The following SORCS1 variants were observed in gnomAD, a reference collection of about 807,000 sequenced individuals.
The protein encoded by SORCS1 is VPS10 domain-containing receptor SorCS1.
A neutral mutation model predicts 146.1 loss-of-function variants in SORCS1; 60 were observed. The ratio of observed to expected loss-of-function variants is 0.41; its 90% CI spans 0.33 to 0.51. The LOEUF (loss-of-function observed/expected upper bound fraction) is 0.51, where lower values mean the gene tolerates loss of function less well. Ranked by LOEUF, SORCS1 falls within the 20% of genes least tolerant of loss-of-function variation. SORCS1 has a pLI of 0.21. For synonymous variants in SORCS1, 637 were observed against 584.0 expected (o/e 1.09, Z -1.31); for missense variants, 1,352 against 1,487.6 (o/e 0.91, Z 1.50).
At chr10:106,724,019 G>A (rs1471637733) in intron 6 of SORCS1, among the ~76,000 whole-genome samples, 2 of 151,920 alleles carry the variant, frequency 1.3e-5, no homozygotes, top group Admixed American at 6.6e-5. Context: ...AAGATCTACT[G>A]GCAGGTCTGA....
At chr10:107,018,495 CT>C (rs1957993744) in intron 1 of SORCS1, among the ~76,000 whole-genome samples, 1 of 152,062 alleles carries the variant, frequency 6.6e-6, no homozygotes, top group Admixed American at 6.6e-5. Context: ...CAACTCTCCA[CT>C]CTTTATTAAA....
chr10:107,149,403 G>A (rs769708639), intron 1 of SORCS1, among the ~76,000 whole-genome samples: 1 of 152,004 alleles, frequency 6.6e-6, no homozygotes, highest in Non-Finnish European at 1.5e-5. Context: ...TTAATCATAC[G>A]TGGTAACCAT....
chr10:106,607,416 G>A, intron 22 of SORCS1, 119 bp from the exon 23 acceptor site: 1 of 1,355,698 alleles, frequency 7.4e-7, no homozygotes, highest in South Asian at 1.4e-5. Flanking sequence ...CCTGAAAGCA[G>A]AGGCCTGGGC....
intron 1 of SORCS1, among the ~76,000 whole-genome samples, chr10:107,157,686 A>G (rs1166428978): frequency 6.6e-6 from 1 of 152,162 alleles, no homozygotes; most frequent in African/African-American, 2.4e-5. Flanking sequence ...ACATTCTAGG[A>G]TAAGCTCTGT....
chr10:106,723,951 TA>T (rs1855963165), intron 6 of SORCS1, among the ~76,000 whole-genome samples: 1 of 152,154 alleles, frequency 6.6e-6, no homozygotes, highest in Admixed American at 6.5e-5. Context: ...ATTAAAAGAT[TA>T]AAAAACAAAT....
chr10:107,124,153 T>C (rs1466262113), intron 1 of SORCS1, among the ~76,000 whole-genome samples: 1 of 151,594 alleles, frequency 6.6e-6, no homozygotes, highest in Admixed American at 6.6e-5. Context: ...GAGAATTAAA[T>C]AATATATGAA....
At chr10:106,921,036 T>C (rs1324030434) in intron 2 of SORCS1, among the ~76,000 whole-genome samples, 1 of 152,178 alleles carries the variant, frequency 6.6e-6, no homozygotes, top group African/African-American at 2.4e-5. Flanking sequence ...AGAACATCTC[T>C]AGCTCATCGT....
chr10:106,977,468 C>A (rs1254885647), intron 1 of SORCS1, among the ~76,000 whole-genome samples: 5 of 152,058 alleles, frequency 3.3e-5, no homozygotes, highest in Non-Finnish European at 7.4e-5. Context: ...AATTTTCTCC[C>A]ATTCTTAGGT....
At chr10:106,738,873 T>C (rs1221768304) in intron 5 of SORCS1, among the ~76,000 whole-genome samples, 1 of 151,950 alleles carries the variant, frequency 6.6e-6, no homozygotes, top group Non-Finnish European at 1.5e-5. Context: ...ACGTCTGTAA[T>C]CCCAGGGTCT....
chr10:106,837,048 C>T (rs1352470307), intron 2 of SORCS1, among the ~76,000 whole-genome samples: 1 of 152,214 alleles, frequency 6.6e-6, no homozygotes, highest in Non-Finnish European at 1.5e-5. Flanking sequence ...TACGTCAAAA[C>T]TAGATTCCTA....
intron 6 of SORCS1, among the ~76,000 whole-genome samples, chr10:106,710,432 G>A (rs1420230205): frequency 2.8e-4 from 36 of 126,808 alleles, no homozygotes; most frequent in South Asian, 8.0e-4. Context: ...TGGGTGACAG[G>A]AAAAAAAAAA....
At chr10:106,667,322 A>T (rs1851237313) in intron 17 of SORCS1, 1 of 184,094 alleles carries the variant, frequency 5.4e-6, no homozygotes, top group African/African-American at 2.3e-5. Flanking sequence ...TAAAACAGAA[A>T]ATGCAAATAT....
chr10:106,928,170 G>C (rs1953179305), intron 2 of SORCS1, among the ~76,000 whole-genome samples: 1 of 152,228 alleles, frequency 6.6e-6, no homozygotes, highest in Non-Finnish European at 1.5e-5. Flanking sequence ...GCGCTCGTTG[G>C]GGAGGCTCGG....
At position 106,743,501 on chromosome 10, in the gene SORCS1, T is replaced by C. The variant is rs529203085; in HGVS notation, c.960-13387A>G. Among the ~76,000 whole-genome samples, 35 of 152,314 alleles carry C rather than the reference T, an allele frequency of 2.3e-4. No individual in the cohort carries two copies. The East Asian group carries it at 6.4e-3, about 28-fold the overall frequency. On this transcript the variant is annotated intron_variant, in intron 5 of 25. Transcript: ENST00000263054. ...GAGCAATGGTGCGATCTCAGCTCACTGCAACCTCCGCCTCCCAGGTTCAAG... is the reference window on the plus strand; with the variant it reads ...GAGCAATGGTGCGATCTCAGCTCACCGCAACCTCCGCCTCCCAGGTTCAAG...
At chr10:106,972,628 C>T (rs1955836147) in intron 1 of SORCS1, among the ~76,000 whole-genome samples, 2 of 151,850 alleles carry the variant, frequency 1.3e-5, no homozygotes, top group Non-Finnish European at 2.9e-5. Context: ...GTCCAAAGCT[C>T]AGTGCCGTAG....
chr10:106,594,818 G>T (rs1049622752), intron 24 of SORCS1, among the ~76,000 whole-genome samples: 1 of 152,170 alleles, frequency 6.6e-6, no homozygotes, highest in Non-Finnish European at 1.5e-5. Flanking sequence ...TGGAATATCC[G>T]GCTTAGTTGT....
intron 1 of SORCS1, among the ~76,000 whole-genome samples, chr10:106,980,274 G>A (rs563025779): frequency 6.6e-6 from 1 of 152,328 alleles, no homozygotes; most frequent in East Asian, 1.9e-4. Context: ...ATAATTGTAT[G>A]CCTGTGATCT....
At chr10:106,736,955 G>A (rs2756243) in intron 5 of SORCS1, among the ~76,000 whole-genome samples, 118,258 of 151,912 alleles carry the variant, frequency 0.78, 46,987 homozygotes, top group Non-Finnish European at 0.87. Context: ...AGCAACCTGA[G>A]GCCCTCCACG....
chr10:106,675,921 AC>A (rs1851991189), intron 13 of SORCS1, among the ~76,000 whole-genome samples: 1 of 152,148 alleles, frequency 6.6e-6, no homozygotes, highest in Non-Finnish European at 1.5e-5. Context: ...CAAAAGTGGA[AC>A]CCTCATCAGA....
Sources: gnomAD v4.1 joint callset for allele counts (sites outside exome capture counted in the v4.1 genomes callset) on GRCh38, gnomAD v4.1.1 for gene constraint, MANE v1.5 for transcripts, NCBI Gene and HGNC (gene_info 2026-07-23, HGNC 2026-07-21) for gene names.